The following LRRC4C variants were observed in gnomAD, a reference collection of about 807,000 sequenced individuals.
LRRC4C encodes leucine rich repeat containing 4C.
LRRC4C carries 5 observed loss-of-function variants against 33.6 expected under a neutral mutation model. The observed-to-expected ratio is 0.15, with a 90% confidence interval of 0.08 to 0.31. The LOEUF is 0.31. Among genes scored for constraint, LRRC4C ranks in the 10% least tolerant of loss-of-function variants. LRRC4C has a pLI of 1.00. For missense variants in LRRC4C, 560 were observed against 796.7 expected (o/e 0.70, Z 3.58); for synonymous variants, 329 against 302.0 (o/e 1.09, Z -0.93).
At chr11:40,238,609 A>T (rs1865726629) in intron 5 of LRRC4C, among the ~76,000 whole-genome samples, 2 of 152,224 alleles carry the variant, frequency 1.3e-5, no homozygotes, top group African/African-American at 2.4e-5. Flanking sequence ...TGTAACTTTC[A>T]TGGAAAACAC....
chr11:41,036,994 T>C lies in LRRC4C; in HGVS notation c.-495-103271A>G, dbSNP rs573868128. On this transcript the variant is annotated intron_variant, in intron 1 of 6. Transcript: ENST00000528697. The stretch of plus-strand genomic sequence containing the variant: ...AAGACAATGAAAGGCTCAAACACAA[T>C]AGAAGCAAATAACCTGGAGTGGTAC... 3.1e-4 allele frequency among the ~76,000 whole-genome samples: 45 copies of C among 144,452 alleles called. No homozygotes were observed. In the South Asian group the frequency reaches 4.0e-3, roughly 13 times the overall value. The allele number at this position is 144,452 out of a possible 152,430, so 94.8% of individuals were successfully genotyped here.
intron 4 of LRRC4C, among the ~76,000 whole-genome samples, chr11:40,247,924 G>T (rs915053865): frequency 6.6e-6 from 1 of 152,156 alleles, no homozygotes; most frequent in Admixed American, 6.6e-5. Context: ...AGAAAATGAT[G>T]TTATGTCTCT....
intron 2 of LRRC4C, among the ~76,000 whole-genome samples, chr11:40,924,129 T>TAA (rs1732059582): frequency 6.6e-6 from 1 of 150,964 alleles, no homozygotes; most frequent in African/African-American, 2.4e-5. Context: ...TGTGTATATA[T>TAA]ATATATATGT....
At chr11:40,345,354 T>C (rs1180258669) in intron 3 of LRRC4C, among the ~76,000 whole-genome samples, 1 of 152,152 alleles carries the variant, frequency 6.6e-6, no homozygotes, top group African/African-American at 2.4e-5. Context: ...AACAGTTACA[T>C]AGACCAATAG....
rs994078385 is a variant in LRRC4C, at chr11:41,272,176, A to T, written c.-496+187255T>A. On this transcript the variant is annotated intron_variant, in intron 1 of 6. Coordinates refer to ENST00000528697, the MANE Select transcript of LRRC4C (RefSeq NM_001258419.2). ...CTACTTTTTTAGTCAAACCCCTTTC[A>T]GGTGTTTTCAAATGGAATAATAGTT... Among the ~76,000 whole-genome samples the T allele has an allele frequency of 1.3e-4, 20 of 152,166 alleles. 1 individual carries two copies. The highest frequency in any genetic ancestry group is 1.2e-3 in the Admixed American group (19 of 15,260).
chr11:40,413,038 G>A (rs1950206292), intron 3 of LRRC4C, among the ~76,000 whole-genome samples: 1 of 151,970 alleles, frequency 6.6e-6, no homozygotes, highest in Non-Finnish European at 1.5e-5. Flanking sequence ...ACTCAATTCA[G>A]AGGCCTATTT....
chr11:40,890,611 A>G (rs1486898105), intron 2 of LRRC4C, among the ~76,000 whole-genome samples: 1 of 152,186 alleles, frequency 6.6e-6, no homozygotes, highest in Non-Finnish European at 1.5e-5. Context: ...AAATTTTAGA[A>G]TGGTGTTTGT....
rs562915280 is a variant in LRRC4C at position 40,127,004 on chromosome 11, G to A, written c.-42-10670C>T. ...AAAGAAGAAGAGAATTTGGGGCCAG[G>A]TGTAGTGGCTCACGCCTATAATCCC... On this transcript the variant is annotated intron_variant, in intron 6 of 6. Transcript: ENST00000528697. Among the ~76,000 whole-genome samples, 4 of 152,004 alleles carry A rather than the reference G, an allele frequency of 2.6e-5. No homozygotes were observed. The South Asian group carries it at 8.3e-4, about 32-fold the overall frequency.
At chr11:40,540,451 T>G (rs1956659971) in intron 3 of LRRC4C, among the ~76,000 whole-genome samples, 1 of 152,192 alleles carries the variant, frequency 6.6e-6, no homozygotes, top group Non-Finnish European at 1.5e-5. Flanking sequence ...TTCAGAAGGC[T>G]TCTGTGCAGC....
At chr11:41,034,007 T>C (rs1378366963) in intron 1 of LRRC4C, among the ~76,000 whole-genome samples, 1 of 152,090 alleles carries the variant, frequency 6.6e-6, no homozygotes, top group East Asian at 1.9e-4. Flanking sequence ...TGATAGGTAT[T>C]TATTTCTATT....
At chr11:40,625,664 G>T (rs10837449) in intron 3 of LRRC4C, among the ~76,000 whole-genome samples, 25,368 of 151,942 alleles carry the variant, frequency 0.17, 2,561 homozygotes, top group East Asian at 0.47. Context: ...TTGAGCCACT[G>T]TGTACCATCA....
intron 6 of LRRC4C, among the ~76,000 whole-genome samples, chr11:40,137,043 C>A (rs1857026602): frequency 1.3e-5 from 2 of 151,924 alleles, no homozygotes; most frequent in South Asian, 4.1e-4. Flanking sequence ...AAGCATATAA[C>A]AACAAAAAAA....
chr11:40,878,188 G>A (rs1416358894), intron 2 of LRRC4C, among the ~76,000 whole-genome samples: 1 of 152,062 alleles, frequency 6.6e-6, no homozygotes, highest in African/African-American at 2.4e-5. Flanking sequence ...ACTAAAATAA[G>A]TGTCGGATTC....
chr11:41,170,990 AAC>A (rs1944950947), intron 1 of LRRC4C, among the ~76,000 whole-genome samples: 1 of 151,898 alleles, frequency 6.6e-6, no homozygotes, highest in Non-Finnish European at 1.5e-5. Flanking sequence ...GCAGCCAAAA[AAC>A]ACATGAAAAA....
chr11:41,442,188 C>A (rs1333551071), intron 1 of LRRC4C, among the ~76,000 whole-genome samples: 1 of 151,906 alleles, frequency 6.6e-6, no homozygotes, highest in African/African-American at 2.4e-5. Context: ...GTGCATACTG[C>A]ATTTTTCATA....
In LRRC4C at chr11:41,299,271, C is replaced by T. The variant is rs190850304; in HGVS notation, c.-496+160160G>A. Reference sequence around the variant, plus strand: ...TAAAAGCAGAGAAATGAGTTATAGCCGCCAACAGATTAGGAGAAAGGTAAA... The same window carrying T: ...TAAAAGCAGAGAAATGAGTTATAGCTGCCAACAGATTAGGAGAAAGGTAAA... On this transcript the variant is annotated intron_variant, in intron 1 of 6. Coordinates refer to ENST00000528697, the MANE Select transcript of LRRC4C (RefSeq NM_001258419.2). Among the ~76,000 whole-genome samples, 39 of 152,026 alleles carry T rather than the reference C, an allele frequency of 2.6e-4. 2 individuals carry two copies. The East Asian group carries it at 3.1e-3, about 12-fold the overall frequency.
intron 3 of LRRC4C, among the ~76,000 whole-genome samples, chr11:40,563,071 T>C (rs527687647): frequency 6.6e-6 from 1 of 152,222 alleles, no homozygotes; most frequent in African/African-American, 2.4e-5. Context: ...ATCTTGCACA[T>C]CAAATTCCAT....
chr11:40,890,681 C>G (rs1955661531), intron 2 of LRRC4C, among the ~76,000 whole-genome samples: 1 of 151,996 alleles, frequency 6.6e-6, no homozygotes, highest in Non-Finnish European at 1.5e-5. Flanking sequence ...AGAGAAAATA[C>G]AGAATGGGAT....
intron 5 of LRRC4C, among the ~76,000 whole-genome samples, chr11:40,167,501 T>C (rs1428914619): frequency 6.6e-6 from 1 of 151,954 alleles, no homozygotes; most frequent in Non-Finnish European, 1.5e-5. Flanking sequence ...AAGAAAAAAA[T>C]TAAAAAGCCA....
Sources: gnomAD v4.1 joint callset for allele counts (sites outside exome capture counted in the v4.1 genomes callset) on GRCh38, gnomAD v4.1.1 for gene constraint, MANE v1.5 for transcripts, NCBI Gene and HGNC (gene_info 2026-07-23, HGNC 2026-07-21) for gene names.